Variants in MYT1 observed in about 807,000 individuals in gnomAD.
MYT1 encodes the protein myelin transcription factor I.
MYT1 carries 23 observed loss-of-function variants against 123.0 expected under a neutral mutation model. That is an observed-to-expected ratio of 0.19 (90% CI 0.13 to 0.26). MYT1 has a LOEUF of 0.26. Ranked by LOEUF, MYT1 falls within the 10% of genes least tolerant of loss-of-function variation. The probability of loss-of-function intolerance (pLI) is 1.00; values close to 1 mark genes in which losing one functional copy is unlikely to be tolerated. For missense variants in MYT1, 1,125 were observed against 1,472.5 expected (o/e 0.76, Z 3.86); for synonymous variants, 518 against 575.3 (o/e 0.90, Z 1.43).
Position 64,208,317 on chromosome 20 carries a change from C to A in MYT1, c.1121C>A (p.Thr374Asn). 6.2e-7 allele frequency: 1 copy of A among 1,614,160 alleles called. No homozygotes were observed. The highest frequency in any genetic ancestry group is 8.5e-7 in the Non-Finnish European group (1 of 1,180,034). The change falls in exon 7 of 23, where the codon ACC (threonine) becomes AAC (asparagine). Residue 374 changes from threonine to asparagine, a missense_variant. Around this residue, in one of 4 missense-constraint regions of MYT1, gnomAD observed 429 missense variants for 604.1 expected, o/e 0.71. Transcript: ENST00000328439. This position sits in a 1 kb window ranked among gnomAD's most constrained non-coding sequence, Gnocchi z 5.4. ...TDESEMQDMM[T>N]RGNLGLLEQA... ...GAGTCGGAGATGCAGGACATGATGA[C>A]CCGGGGAAACCTGGGCCTCCTGGAG...
At position 64,167,051 on chromosome 20, in the gene MYT1, G is replaced by A. The variant is rs531647151; in HGVS notation, c.-99+2312G>A. ...TGCAGACAATGACATTTGTGGTGGT[G>A]TGGTGGGTAGAGGAGACCCACACCA... On this transcript the variant is annotated intron_variant, in intron 1 of 22. Transcript: ENST00000328439. The surrounding 1 kb of genome is among the most constrained non-coding windows in gnomAD (Gnocchi z 6.3). Among the ~76,000 whole-genome samples the A allele has an allele frequency of 6.6e-6, 1 of 152,288 alleles. No homozygotes were observed. The highest frequency in any genetic ancestry group is 2.1e-4 in the South Asian group (1 of 4,828).
chr20:64,198,286 CAAA>C (rs34822167), intron 2 of MYT1, among the ~76,000 whole-genome samples: 1 of 23,830 alleles, frequency 4.2e-5, no homozygotes, highest in African/African-American at 1.1e-4. Flanking sequence ...GACTCCGTCT[CAAA>C]AAAAAAAAAA....
intron 16 of MYT1, among the ~76,000 whole-genome samples, chr20:64,226,615 C>T (rs1321285575): frequency 6.6e-6 from 1 of 152,246 alleles, no homozygotes; most frequent in Non-Finnish European, 1.5e-5. Flanking sequence ...CAGGTCACCT[C>T]CTCCCACTCT....
intron 22 of MYT1, 126 bp downstream of exon 22, chr20:64,240,029 G>A (rs2145739643): frequency 7.1e-7 from 1 of 1,408,958 alleles, no homozygotes; most frequent in Admixed American, 2.0e-5. Flanking sequence ...GTGCCCTTGT[G>A]GAGATTCTCT....
chr20:64,213,973 G>A lies in MYT1; in HGVS notation c.1631+326G>A, dbSNP rs189025393. Among the ~76,000 whole-genome samples, 24 of 152,368 alleles carry A rather than the reference G, an allele frequency of 1.6e-4. No individual in the cohort carries two copies. The East Asian group carries it at 4.4e-3, about 28-fold the overall frequency. On this transcript the variant is annotated intron_variant, in intron 10 of 22. Transcript: ENST00000328439. The surrounding 1 kb of genome is among the most constrained non-coding windows in gnomAD (Gnocchi z 5.6). ...GAGTCGTCTGATGTGACCACTTGAG[G>A]CCCCTTGGGGATTCATTTGTGGAGA...
At position 64,223,114 on chromosome 20, in the gene MYT1, T is replaced by C. The variant is rs760228397; in HGVS notation, c.2400T>C (p.Cys800=). ...ACACTCTTTTTCCTTTGTCCAGCTG[T>C]CCCACCCCTGGCTGTGACGGCAGCG... ...SKDIKKELLT[C]PTPGCDGSGH... Residue 800 remains cysteine (C), a synonymous_variant, in exon 15 of 23, where the codon TGT becomes TGC. Transcript: ENST00000328439. The C allele has an allele frequency of 5.0e-6, 8 of 1,614,118 alleles. No homozygotes were observed. The highest frequency in any genetic ancestry group is 6.8e-6 in the Non-Finnish European group (8 of 1,180,000).
intron 16 of MYT1, among the ~76,000 whole-genome samples, chr20:64,225,691 G>A (rs1322988534): frequency 1.3e-5 from 2 of 152,152 alleles, no homozygotes; most frequent in Admixed American, 1.3e-4. Flanking sequence ...TGGGAGGGGT[G>A]GATGTGGCTC....
At chr20:64,181,707 G>C (rs1260508954) in intron 1 of MYT1, among the ~76,000 whole-genome samples, 1 of 152,216 alleles carries the variant, frequency 6.6e-6, no homozygotes, top group East Asian at 1.9e-4. Flanking sequence ...CTCATCCAGT[G>C]CAGGTTCCTC....
intron 10 of MYT1, among the ~76,000 whole-genome samples, chr20:64,214,065 G>A (rs1323911678): frequency 1.3e-5 from 2 of 152,202 alleles, no homozygotes; most frequent in African/African-American, 4.8e-5. Flanking sequence ...GAAGCACCAT[G>A]AGCCACTAAT....
In MYT1 at chr20:64,232,462, GAGGGAGGGCCAGACCA is replaced by G; in HGVS notation, c.2897+78_2897+93del. The G allele has an allele frequency of 1.4e-6, 2 of 1,448,368 alleles. No homozygotes were observed. The highest frequency in any genetic ancestry group is 1.9e-6 in the Non-Finnish European group (2 of 1,041,242). 89.7% of individuals were successfully genotyped at this position (1,448,368 alleles called of 1,614,324 possible). A position where few individuals can be genotyped will look rare whatever the true frequency, so the allele number is the denominator to read the frequency against. ...CCTGGGGCCTGGGGCTGAAGCTCCTGAGGGAGGGCCAGACCAGGGCTCCGTGTGACCAGAGTTGCTC... is the reference window on the plus strand; with the variant it reads ...CCTGGGGCCTGGGGCTGAAGCTCCTGGGGCTCCGTGTGACCAGAGTTGCTC... On this transcript the variant is annotated intron_variant, in intron 19 of 22. Transcript: ENST00000328439. This position sits in a 1 kb window ranked among gnomAD's most constrained non-coding sequence, Gnocchi z 6.9.
rs773052292 is a variant in MYT1, at chr20:64,232,150, C to T, written c.2676-14C>T. On this transcript the variant is annotated splice_polypyrimidine_tract_variant and intron_variant, in intron 18 of 22. Transcript: ENST00000328439. This position sits in a 1 kb window ranked among gnomAD's most constrained non-coding sequence, Gnocchi z 6.9. Reference sequence around the variant, plus strand: ...CCTTCGCCCCTGTACTCACCCCGGCCTCTCTGTACCCAGGTGCCCAGTTCC... The same window carrying T: ...CCTTCGCCCCTGTACTCACCCCGGCTTCTCTGTACCCAGGTGCCCAGTTCC... 5.6e-6 allele frequency: 9 copies of T among 1,612,378 alleles called. No homozygotes were observed. The South Asian group carries it at 7.7e-5, about 14-fold the overall frequency.
intron 3 of MYT1, among the ~76,000 whole-genome samples, chr20:64,199,626 T>C (rs1402831698): frequency 3.3e-5 from 5 of 152,184 alleles, no homozygotes; most frequent in Admixed American, 3.3e-4. Context: ...TCTGTCCCAC[T>C]TTGTAAAACT....
chr20:64,195,413 T>TTTTTTTTTTG, intron 2 of MYT1, among the ~76,000 whole-genome samples: 1 of 143,562 alleles, frequency 7.0e-6, no homozygotes, highest in Non-Finnish European at 1.5e-5. Context: ...TTTTTTTTTT[T>TTTTTTTTTTG]GAGACGGAGT....
chr20:64,172,684 A>C (rs1982321432), intron 1 of MYT1, among the ~76,000 whole-genome samples: 1 of 151,838 alleles, frequency 6.6e-6, no homozygotes, highest in East Asian at 1.9e-4. Context: ...GGGAGTTCCC[A>C]AAGATCCATG....
intron 1 of MYT1, among the ~76,000 whole-genome samples, chr20:64,165,922 T>TG (rs1285937403): frequency 6.6e-6 from 1 of 151,864 alleles, no homozygotes; most frequent in Non-Finnish European, 1.5e-5. Context: ...GGGGCAGACC[T>TG]GGGGGGGCCC....
chr20:64,179,906 C>T (rs1473506108), intron 1 of MYT1, among the ~76,000 whole-genome samples: 1 of 150,240 alleles, frequency 6.7e-6, no homozygotes, highest in Non-Finnish European at 1.5e-5. Context: ...CAGTTACATG[C>T]ATGCTCTATA....
At chr20:64,195,379 TG>T (rs1983082892) in intron 2 of MYT1, among the ~76,000 whole-genome samples, 1 of 104,518 alleles carries the variant, frequency 9.6e-6, no homozygotes, top group Non-Finnish European at 1.9e-5. Flanking sequence ...TGTGTGTGTG[TG>T]TGTGTGTGTG....
chr20:64,176,815 G>A (rs1041451118), intron 1 of MYT1, among the ~76,000 whole-genome samples: 3 of 152,200 alleles, frequency 2.0e-5, no homozygotes, highest in African/African-American at 7.2e-5. Context: ...CCAGCACACT[G>A]CCTGCCCTGG....
rs1260032672 is a variant in MYT1, at chr20:64,168,116, T to C, written c.-99+3377T>C. On this transcript the variant is annotated intron_variant, in intron 1 of 22. Coordinates refer to ENST00000328439, the MANE Select transcript of MYT1 (RefSeq NM_004535.3). This position sits in a 1 kb window ranked among gnomAD's most constrained non-coding sequence, Gnocchi z 6.1. Reference sequence around the variant, plus strand: ...TGAGGTTCCCGGCATTTTTCTGTCTTTCAGACCAAATTTCCCCAAACATCA... The same window carrying C: ...TGAGGTTCCCGGCATTTTTCTGTCTCTCAGACCAAATTTCCCCAAACATCA... Among the ~76,000 whole-genome samples, 1 of 152,196 alleles carries C rather than the reference T, an allele frequency of 6.6e-6. No homozygotes were observed. Among genetic ancestry groups the C allele is most frequent in the Non-Finnish European group, 1.5e-5 (1 of 68,028 alleles).
Sources: gnomAD v4.1 joint callset for allele counts (sites outside exome capture counted in the v4.1 genomes callset) on GRCh38, gnomAD v4.1.1 for gene constraint, gnomAD v4.1.1 regional missense constraint, Gnocchi (gnomAD v3.1) non-coding constraint, MANE v1.5 for transcripts, NCBI Gene and HGNC (gene_info 2026-07-23, HGNC 2026-07-21) for gene names.